SPAG6: variants seen among roughly 807,000 people sequenced by gnomAD.
The protein encoded by SPAG6 is sperm associated antigen 6.
A neutral mutation model predicts 58.5 loss-of-function variants in SPAG6; 49 were observed. The ratio of observed to expected loss-of-function variants is 0.84; its 90% CI spans 0.67 to 1.06. SPAG6 has a LOEUF of 1.06. Among genes scored for constraint, SPAG6 ranks in the 50% least tolerant of loss-of-function variants. SPAG6 has a pLI of 0.00. For missense variants in SPAG6, 560 were observed against 611.3 expected (o/e 0.92, Z 0.89); for synonymous variants, 233 against 225.6 (o/e 1.03, Z -0.29).
chr10:22,367,043 TG>T (rs1417167574), intron 3 of SPAG6, among the ~76,000 whole-genome samples: 1 of 151,056 alleles, frequency 6.6e-6, no homozygotes, highest in Admixed American at 6.6e-5. Context: ...TAATGAGGAA[TG>T]GAAGAGAAGA....
chr10:22,412,577 A>G (rs964901418), intron 10 of SPAG6: 14 of 926,066 alleles, frequency 1.5e-5, no homozygotes, highest in Middle Eastern at 2.8e-4. Flanking sequence ...ATATATCATA[A>G]CATGTATAAT....
chr10:22,352,954 C>G lies in SPAG6; in HGVS notation c.121+7136C>G, dbSNP rs552496632. Among the ~76,000 whole-genome samples the G allele has an allele frequency of 1.1e-4, 17 of 152,344 alleles. 1 individual carries two copies. The highest frequency in any genetic ancestry group is 4.1e-4 in the African/African-American group (17 of 41,576). On this transcript the variant is annotated intron_variant, in intron 2 of 10. Transcript: ENST00000376624. ...TTTTGCTGCCAGGAAACTCAGTGCT[C>G]TGTTCAGAACTCAGTTGCAGCAGCT... is the stretch of plus-strand genomic sequence containing the variant.
chr10:22,356,161 A>C (rs1258197027), intron 2 of SPAG6, among the ~76,000 whole-genome samples: 1 of 152,214 alleles, frequency 6.6e-6, no homozygotes, highest in East Asian at 1.9e-4. Context: ...TCACTTGAAG[A>C]ATAGAAAAGA....
intron 3 of SPAG6, among the ~76,000 whole-genome samples, chr10:22,366,056 A>G (rs756127314): frequency 2.0e-5 from 3 of 152,210 alleles, no homozygotes; most frequent in African/African-American, 4.8e-5. Flanking sequence ...CAGCAATTCT[A>G]TTCCTAGCTA....
At chr10:22,404,974 G>T (rs1031614247) in intron 9 of SPAG6, among the ~76,000 whole-genome samples, 9 of 151,752 alleles carry the variant, frequency 5.9e-5, no homozygotes, top group African/African-American at 1.5e-4. Flanking sequence ...TGTGATTTTT[G>T]TACATTGATT....
At chr10:22,361,675 G>A (rs1837042630) in intron 2 of SPAG6, among the ~76,000 whole-genome samples, 1 of 152,120 alleles carries the variant, frequency 6.6e-6, no homozygotes, top group South Asian at 2.1e-4. Context: ...GACAGAGTAA[G>A]TGAGACTCCG....
chr10:22,365,952 C>T (rs965500103), intron 3 of SPAG6, among the ~76,000 whole-genome samples: 2 of 152,132 alleles, frequency 1.3e-5, no homozygotes, highest in African/African-American at 2.4e-5. Context: ...TTGGAACTTT[C>T]ATACATTGCT....
rs766796307 is a variant in SPAG6, at chr10:22,386,855, A to G, written c.574A>G (p.Ser192Gly). The part of the protein sequence containing the change: ...ALKRIAASAL[S>G]DIAKHSPELA... ...GAAAAGGATTGCTGCTTCGGCCCTC[A>G]GTGATATTGCAAAGCATTCTCCAGA... Residue 192 changes from serine (S) to glycine (G), a missense_variant, in exon 5 of 11, where the codon AGT becomes GGT. Ser to Gly is a moderately conservative substitution (Grantham distance 56). Coordinates refer to ENST00000376624, the MANE Select transcript of SPAG6 (RefSeq NM_012443.4). 6.2e-7 allele frequency: 1 copy of G among 1,613,760 alleles called. No individual in the cohort carries two copies. The highest frequency in any genetic ancestry group is 8.5e-7 in the Non-Finnish European group (1 of 1,179,728).
chr10:22,353,109 G>C (rs1348139990), intron 2 of SPAG6, among the ~76,000 whole-genome samples: 1 of 152,184 alleles, frequency 6.6e-6, no homozygotes, highest in Non-Finnish European at 1.5e-5. Flanking sequence ...CAGTAGTGAA[G>C]TGTGAATAAA....
chr10:22,393,550 C>G (rs952958785), intron 8 of SPAG6, among the ~76,000 whole-genome samples: 1 of 152,062 alleles, frequency 6.6e-6, no homozygotes, highest in African/African-American at 2.4e-5. Context: ...TTGTGTTTAA[C>G]AAGTGGTGTT....
intron 2 of SPAG6, among the ~76,000 whole-genome samples, chr10:22,358,759 T>A (rs1836945965): frequency 6.6e-6 from 1 of 152,198 alleles, no homozygotes; most frequent in South Asian, 2.1e-4. Flanking sequence ...AATTTTTGTA[T>A]AAGGAGTAAG....
At position 22,364,837 on chromosome 10, in the gene SPAG6, T is replaced by C. The variant is rs1445614059; in HGVS notation, c.122-16T>C. ...TTAAATTTTCCTGATTTCTGTTCTT[T>C]CATAATTTAACTCAGGTGTAATGTC... On this transcript the variant is annotated splice_polypyrimidine_tract_variant and intron_variant, in intron 2 of 10. Coordinates refer to ENST00000376624, the MANE Select transcript of SPAG6 (RefSeq NM_012443.4). 6.3e-6 allele frequency: 10 copies of C among 1,585,634 alleles called. No homozygotes were observed. The highest frequency in any genetic ancestry group is 8.6e-6 in the Non-Finnish European group (10 of 1,164,958).
intron 8 of SPAG6, among the ~76,000 whole-genome samples, chr10:22,394,111 G>T (rs1305144557): frequency 3.3e-5 from 5 of 152,122 alleles, no homozygotes; most frequent in African/African-American, 1.2e-4. Flanking sequence ...TTATTGAATT[G>T]TAAGAGTTCT....
intron 2 of SPAG6, among the ~76,000 whole-genome samples, chr10:22,350,762 A>G (rs1417698879): frequency 6.6e-6 from 1 of 152,160 alleles, no homozygotes; most frequent in Non-Finnish European, 1.5e-5. Context: ...CCTTGCTCCC[A>G]GTATTTTTGT....
chr10:22,408,313 C>T (rs1215008401), intron 9 of SPAG6, among the ~76,000 whole-genome samples: 3 of 137,224 alleles, frequency 2.2e-5, no homozygotes, highest in East Asian at 2.0e-4. Flanking sequence ...GATGGGTTTT[C>T]GGTGTGGATG....
At chr10:22,367,706 T>C (rs1231745138) in intron 3 of SPAG6, among the ~76,000 whole-genome samples, 1 of 152,152 alleles carries the variant, frequency 6.6e-6, no homozygotes, top group Non-Finnish European at 1.5e-5. Context: ...TACATTTAAT[T>C]TTTTTAGCGA....
chr10:22,368,377 C>T, intron 3 of SPAG6, 118 bp from the exon 4 acceptor site: 2 of 701,490 alleles, frequency 2.9e-6, no homozygotes, highest in South Asian at 2.5e-5. Context: ...CTTTTATATT[C>T]AAAAGCTGTT....
At chr10:22,401,482 G>A (rs1834413296) in intron 9 of SPAG6, among the ~76,000 whole-genome samples, 1 of 152,000 alleles carries the variant, frequency 6.6e-6, no homozygotes, top group Admixed American at 6.6e-5. Flanking sequence ...ATTTTCCTTA[G>A]AGTCTCTACT....
chr10:22,348,672 G>A (rs902219527), intron 2 of SPAG6, among the ~76,000 whole-genome samples: 1 of 152,148 alleles, frequency 6.6e-6, no homozygotes, highest in African/African-American at 2.4e-5. Context: ...TGTCAATGGA[G>A]TTTTTATTTC....
Sources: gnomAD v4.1 joint callset for allele counts (sites outside exome capture counted in the v4.1 genomes callset) on GRCh38, gnomAD v4.1.1 for gene constraint, MANE v1.5 for transcripts, NCBI Gene and HGNC (gene_info 2026-07-23, HGNC 2026-07-21) for gene names.